The following INVS variants were observed in gnomAD, a reference collection of about 807,000 sequenced individuals.
The protein encoded by INVS is inversion of embryo turning homolog.
Under a neutral mutation model 108.8 loss-of-function variants are expected in INVS, and 86 were observed. That is an observed-to-expected ratio of 0.79 (90% CI 0.66 to 0.95). The LOEUF is 0.95. INVS is among the 40% of genes least tolerant of loss of function. INVS has a pLI of 0.00. For missense variants in INVS, 1,169 were observed against 1,297.4 expected, an observed-to-expected ratio of 0.90 and a Z score of 1.52; for synonymous variants, 455 against 473.5, an observed-to-expected ratio of 0.96 and a Z score of 0.51.
chr9:100,226,337 A>G, intron 4 of INVS, 102 bp downstream of exon 4: 1 of 869,330 alleles, frequency 1.2e-6, no homozygotes, highest in Non-Finnish European at 1.8e-6. Flanking sequence ...CCACATATAT[A>G]CATGGTAGAA....
At chr9:100,156,950 A>ACACG (rs1215263766) in intron 3 of INVS, among the ~76,000 whole-genome samples, 7 of 143,616 alleles carry the variant, frequency 4.9e-5, no homozygotes, top group Non-Finnish European at 8.9e-5. Context: ...ATATACACAC[A>ACACG]CACACATATA....
At chr9:100,297,908 A>G in intron 15 of INVS, 28 bp from the exon 16 acceptor site, 1 of 1,613,874 alleles carries the variant, frequency 6.2e-7, no homozygotes. Context: ...CTGGCCAAAG[A>G]AAAGTAACAG....
intron 11 of INVS, among the ~76,000 whole-genome samples, chr9:100,269,442 G>A (rs117883681): frequency 1.6e-3 from 246 of 152,240 alleles, no homozygotes; most frequent in Non-Finnish European, 2.6e-3. Flanking sequence ...TTATGTAGAT[G>A]CCTCTCAGAT....
intron 3 of INVS, among the ~76,000 whole-genome samples, chr9:100,190,733 T>G (rs1045417597): frequency 2.0e-5 from 3 of 152,210 alleles, no homozygotes; most frequent in African/African-American, 7.2e-5. Flanking sequence ...GAGAAGGCTG[T>G]TGTTGGTCTA....
In INVS at chr9:100,189,795, G is replaced by A. The variant is rs546387623; in HGVS notation, c.274-36267G>A. 9.9e-5 allele frequency among the ~76,000 whole-genome samples: 15 copies of A among 151,256 alleles called. 1 individual carries two copies. Among genetic ancestry groups the A allele is most frequent in the Admixed American group, 4.0e-4 (6 of 15,152 alleles). On this transcript the variant is annotated intron_variant, in intron 3 of 16. Coordinates refer to ENST00000262457, the MANE Select transcript of INVS (RefSeq NM_014425.5). The stretch of plus-strand genomic sequence containing the variant: ...TAATAGACGGGGGTCTTGCCATGTC[G>A]GCCAGGTTGGTCTTGAACTCCTGGT...
chr9:100,258,779 G>A (rs1277067840), intron 10 of INVS, among the ~76,000 whole-genome samples: 1 of 152,188 alleles, frequency 6.6e-6, no homozygotes. Context: ...TCCTCTGGAA[G>A]CTTCGTCTCA....
At position 100,295,287 on chromosome 9, in the gene INVS, C is replaced by T. The variant is rs142570371; in HGVS notation, c.2787-1630C>T. Among the ~76,000 whole-genome samples, 3 of 152,250 alleles carry T rather than the reference C, an allele frequency of 2.0e-5. No individual in the cohort carries two copies. The East Asian group carries it at 5.8e-4, about 29-fold the overall frequency. ...CAGTCATTCCCCCAAGAACAGTGGG[C>T]TTATGGTCTAACATGCCCACCTGCG... is the stretch of plus-strand genomic sequence containing the variant. On this transcript the variant is annotated intron_variant, in intron 14 of 16. Transcript: ENST00000262457.
intron 3 of INVS, among the ~76,000 whole-genome samples, chr9:100,181,391 T>A (rs1387722400): frequency 6.6e-6 from 1 of 152,094 alleles, no homozygotes; most frequent in Non-Finnish European, 1.5e-5. Flanking sequence ...ACCCAAAATC[T>A]CCTTAAGCTG....
chr9:100,240,961 A>G (rs1477048824), intron 6 of INVS, among the ~76,000 whole-genome samples: 1 of 152,062 alleles, frequency 6.6e-6, no homozygotes, highest in Non-Finnish European at 1.5e-5. Flanking sequence ...CTACTTTTAA[A>G]TTTATCAAAA....
intron 3 of INVS, among the ~76,000 whole-genome samples, chr9:100,144,918 T>C (rs1480508573): frequency 6.6e-6 from 1 of 152,056 alleles, no homozygotes; most frequent in African/African-American, 2.4e-5. Flanking sequence ...GGGAACAACG[T>C]GTAGAAGAAT....
chr9:100,176,861 G>A (rs1423910510), intron 3 of INVS, among the ~76,000 whole-genome samples: 1 of 152,050 alleles, frequency 6.6e-6, no homozygotes, highest in Non-Finnish European at 1.5e-5. Flanking sequence ...TTGGCTCTGT[G>A]TTTTACTATA....
chr9:100,156,189 A>G (rs907861673), intron 3 of INVS, among the ~76,000 whole-genome samples: 3 of 151,960 alleles, frequency 2.0e-5, no homozygotes, highest in Non-Finnish European at 2.9e-5. Flanking sequence ...AAGATGGACA[A>G]TTTGAGTAGC....
chr9:100,100,912 T>TATATATTATATATGTATATATAA (rs1564112207), intron 1 of INVS, among the ~76,000 whole-genome samples: 2 of 19,782 alleles, frequency 1.0e-4, no homozygotes, highest in African/African-American at 8.3e-4. Flanking sequence ...TGTATATATA[T>TATATATTATATATGTATATATAA]TATATGTATA....
intron 3 of INVS, among the ~76,000 whole-genome samples, chr9:100,158,751 AT>A (rs1829079066): frequency 6.6e-6 from 1 of 152,184 alleles, no homozygotes; most frequent in Non-Finnish European, 1.5e-5. Flanking sequence ...TCCCCTCCAA[AT>A]CCCGCGTTGA....
chr9:100,148,852 C>T (rs966335748), intron 3 of INVS, among the ~76,000 whole-genome samples: 3 of 152,140 alleles, frequency 2.0e-5, no homozygotes, highest in Admixed American at 6.5e-5. Flanking sequence ...ATCTTAGTGA[C>T]TTACATGGTG....
intron 8 of INVS, among the ~76,000 whole-genome samples, chr9:100,249,682 C>T (rs995846543): frequency 5.3e-5 from 8 of 151,566 alleles, no homozygotes; most frequent in South Asian, 2.1e-4. Context: ...TTAGTAGAGG[C>T]GGGGTTTCAC....
intron 3 of INVS, among the ~76,000 whole-genome samples, chr9:100,133,020 G>A (rs1328612943): frequency 5.9e-5 from 9 of 152,058 alleles, no homozygotes; most frequent in South Asian, 2.1e-4. Flanking sequence ...CAGGAGAATC[G>A]CTTGAACCTG....
chr9:100,292,284 C>A, intron 13 of INVS, 42 bp from the exon 14 acceptor site: 1 of 1,526,806 alleles, frequency 6.5e-7, no homozygotes, highest in Non-Finnish European at 9.1e-7. Flanking sequence ...AATTATCCTA[C>A]TCTGCAAGTT....
At chr9:100,155,258 A>G (rs565233124) in intron 3 of INVS, among the ~76,000 whole-genome samples, 1 of 152,172 alleles carries the variant, frequency 6.6e-6, no homozygotes, top group Non-Finnish European at 1.5e-5. Context: ...TGATAGACAA[A>G]TAAAACAAAG....
Sources: allele counts gnomAD v4.1 joint callset (sites outside exome capture counted in the v4.1 genomes callset), GRCh38; gene constraint gnomAD v4.1.1; transcripts MANE v1.5; gene names NCBI Gene and HGNC (gene_info 2026-07-23, HGNC 2026-07-21).